The following PTPRD variants were observed in gnomAD, a reference collection of about 807,000 sequenced individuals.
The protein encoded by PTPRD is protein tyrosine phosphatase receptor type D.
A neutral mutation model predicts 214.5 loss-of-function variants in PTPRD; 34 were observed. The ratio of observed to expected loss-of-function variants is 0.16; its 90% CI spans 0.12 to 0.21. PTPRD has a LOEUF of 0.21. Among genes scored for constraint, PTPRD ranks in the 10% least tolerant of loss-of-function variants. The pLI is 1.00. For missense variants in PTPRD, 2,545 were observed against 2,398.7 expected (o/e 1.06, Z -1.27); for synonymous variants, 1,128 against 845.7 (o/e 1.33, Z -5.79).
chr9:9,969,862 A>C (rs1358890629), intron 4 of PTPRD, among the ~76,000 whole-genome samples: 1 of 152,182 alleles, frequency 6.6e-6, no homozygotes, highest in East Asian at 1.9e-4. Context: ...AGAAAGCTGT[A>C]GTGGGGAAGC....
chr9:9,567,273 G>A (rs931519298), intron 8 of PTPRD, among the ~76,000 whole-genome samples: 2 of 151,776 alleles, frequency 1.3e-5, no homozygotes, highest in African/African-American at 2.4e-5. Flanking sequence ...TTCTGCTAGG[G>A]GTGGGATTGT....
chr9:9,521,506 T>C (rs1327993906), intron 8 of PTPRD, among the ~76,000 whole-genome samples: 2 of 152,186 alleles, frequency 1.3e-5, no homozygotes, highest in Non-Finnish European at 2.9e-5. Context: ...GAAACCTTAC[T>C]GTTCTTTCCA....
intron 8 of PTPRD, among the ~76,000 whole-genome samples, chr9:9,572,682 C>T (rs1484672772): frequency 6.8e-6 from 1 of 147,474 alleles, no homozygotes; most frequent in Non-Finnish European, 1.5e-5. Flanking sequence ...TATGTATAAA[C>T]ATATGTATGT....
chr9:10,235,029 T>G (rs1564697120), intron 3 of PTPRD, among the ~76,000 whole-genome samples: 1 of 151,836 alleles, frequency 6.6e-6, no homozygotes. Flanking sequence ...CACTTAGCCT[T>G]AATCATTACA....
At chr9:8,920,170 A>G (rs1020669210) in intron 11 of PTPRD, among the ~76,000 whole-genome samples, 2 of 151,992 alleles carry the variant, frequency 1.3e-5, no homozygotes, top group African/African-American at 4.8e-5. Context: ...GCAAATTCCC[A>G]TCTCTACTAA....
At chr9:10,465,697 C>T (rs937875044) in intron 2 of PTPRD, among the ~76,000 whole-genome samples, 1 of 152,192 alleles carries the variant, frequency 6.6e-6, no homozygotes, top group Non-Finnish European at 1.5e-5. Flanking sequence ...CAGCAACATG[C>T]TGTACAGGCT....
chr9:9,613,047 C>T (rs749541436), intron 7 of PTPRD, among the ~76,000 whole-genome samples: 3 of 145,626 alleles, frequency 2.1e-5, no homozygotes, highest in Non-Finnish European at 3.0e-5. Context: ...GGGGCCTAAG[C>T]TTCGCCTTCT....
intron 9 of PTPRD, among the ~76,000 whole-genome samples, chr9:9,185,466 A>G (rs1218967456): frequency 1.3e-5 from 2 of 151,888 alleles, no homozygotes; most frequent in African/African-American, 2.4e-5. Flanking sequence ...TCTCTTTACT[A>G]TTGTCCACTT....
chr9:9,339,420 A>C (rs917899005), intron 9 of PTPRD, among the ~76,000 whole-genome samples: 2 of 151,804 alleles, frequency 1.3e-5, no homozygotes, highest in African/African-American at 4.8e-5. Context: ...TGAGAGGAGG[A>C]GCTTGCAGTG....
chr9:9,210,252 T>C (rs13296686), intron 9 of PTPRD, among the ~76,000 whole-genome samples: 277 of 152,226 alleles, frequency 1.8e-3, no homozygotes, highest in Non-Finnish European at 3.1e-3. Flanking sequence ...ACAAATAATG[T>C]ATTGGCTGTA....
At chr9:8,593,367 G>T (rs976396835) in intron 14 of PTPRD, among the ~76,000 whole-genome samples, 2 of 152,152 alleles carry the variant, frequency 1.3e-5, no homozygotes, top group African/African-American at 4.8e-5. Flanking sequence ...AACCAGTGTG[G>T]AACAAAAGGT....
At chr9:9,992,034 T>C (rs1169099562) in intron 4 of PTPRD, among the ~76,000 whole-genome samples, 1 of 152,146 alleles carries the variant, frequency 6.6e-6, no homozygotes, top group Admixed American at 6.5e-5. Context: ...AAATGCCCAA[T>C]ATAGGCAAAC....
chr9:9,490,638 G>C (rs1404623951), intron 8 of PTPRD, among the ~76,000 whole-genome samples: 3 of 151,960 alleles, frequency 2.0e-5, no homozygotes, highest in African/African-American at 7.2e-5. Flanking sequence ...ATGTCATGAA[G>C]TTAAGCTGGT....
chr9:9,056,234 T>C (rs1446565680), intron 10 of PTPRD, among the ~76,000 whole-genome samples: 1 of 152,190 alleles, frequency 6.6e-6, no homozygotes, highest in Non-Finnish European at 1.5e-5. Flanking sequence ...ATAATGCGTA[T>C]GTGAGAAAAG....
intron 30 of PTPRD, among the ~76,000 whole-genome samples, chr9:8,476,366 C>T (rs760283454): frequency 9.2e-5 from 14 of 152,268 alleles, no homozygotes; most frequent in Non-Finnish European, 1.8e-4. Flanking sequence ...AATGCTCCCT[C>T]CCCACTGCTT....
chr9:9,808,658 A>G (rs1416657434), intron 5 of PTPRD, among the ~76,000 whole-genome samples: 1 of 152,166 alleles, frequency 6.6e-6, no homozygotes, highest in Non-Finnish European at 1.5e-5. Flanking sequence ...CGTTTAAAAG[A>G]TAATGTCTGC....
intron 9 of PTPRD, among the ~76,000 whole-genome samples, chr9:9,352,501 T>C (rs1335892433): frequency 1.3e-5 from 2 of 151,858 alleles, no homozygotes; most frequent in African/African-American, 4.8e-5. Flanking sequence ...TTTGTTTTCA[T>C]AACATTTTGC....
intron 24 of PTPRD, 51 bp downstream of exon 24, chr9:8,500,703 G>A (rs1286363433): frequency 1.0e-5 from 16 of 1,566,200 alleles, no homozygotes; most frequent in Admixed American, 5.1e-5. Context: ...AAAGACAGCA[G>A]ATCAAGACTG....
chr9:10,604,031 T>C lies in PTPRD; in HGVS notation c.-600+8367A>G, dbSNP rs555805381. 2.0e-5 allele frequency among the ~76,000 whole-genome samples: 3 copies of C among 151,856 alleles called. No individual in the cohort carries two copies. The South Asian group carries it at 6.2e-4, about 32-fold the overall frequency. ...TTGTTCATAAGGCCAACATAGTCAT[T>C]CCTGTGTGTCACCATAGCTCCCTAT... On this transcript the variant is annotated intron_variant, in intron 2 of 45. Transcript: ENST00000381196.
Sources: allele counts gnomAD v4.1 joint callset (sites outside exome capture counted in the v4.1 genomes callset), GRCh38; gene constraint gnomAD v4.1.1; transcripts MANE v1.5; gene names NCBI Gene and HGNC (gene_info 2026-07-23, HGNC 2026-07-21).